The following CRPPA variants were observed in gnomAD, a reference collection of about 807,000 sequenced individuals.
CRPPA encodes CDP-L-ribitol pyrophosphorylase A, also known as D-ribitol-5-phosphate cytidylyltransferase.
In CRPPA, 43 loss-of-function variants were observed where a neutral mutation model predicts 52.0. The ratio of observed to expected loss-of-function variants is 0.83; its 90% CI spans 0.65 to 1.07. CRPPA has a LOEUF of 1.07. CRPPA is among the 50% of genes least tolerant of loss of function. The pLI is 0.00. For synonymous variants in CRPPA, 250 were observed against 203.5 expected, an observed-to-expected ratio of 1.23 and a Z score of -1.94; for missense variants, 629 against 551.7, an observed-to-expected ratio of 1.14 and a Z score of -1.40.
At position 16,216,086 on chromosome 7, in the gene CRPPA, G is replaced by T; in HGVS notation, c.1231C>A (p.Leu411Ile). Residue 411 changes from leucine (L) to isoleucine (I), a missense_variant, in exon 9 of 10, where the codon CTT (leucine) becomes ATT (isoleucine). Physicochemically the swap from Leu to Ile is conservative, Grantham distance 5. Transcript: ENST00000407010. ...VKERNILLYG[L>I]LISYPQDDQK... ...CCTACCTGTGGGTAAGATATGAGAAGCCCATATAACAAAATATTTCTTTCT... is the reference window on the plus strand; with the variant it reads ...CCTACCTGTGGGTAAGATATGAGAATCCCATATAACAAAATATTTCTTTCT... 2 of 1,594,712 alleles carry T rather than the reference G, an allele frequency of 1.3e-6. No individual in the cohort carries two copies. The highest frequency in any genetic ancestry group is 1.7e-6 in the Non-Finnish European group (2 of 1,169,462).
intron 1 of CRPPA, among the ~76,000 whole-genome samples, chr7:16,411,064 A>G (rs1202004254): frequency 1.3e-5 from 2 of 152,220 alleles, no homozygotes; most frequent in African/African-American, 4.8e-5. Flanking sequence ...CTTAGCACAT[A>G]CTCAACTTTC....
chr7:16,138,924 C>T (rs965222304), intron 9 of CRPPA, among the ~76,000 whole-genome samples: 11 of 152,102 alleles, frequency 7.2e-5, no homozygotes, highest in Admixed American at 1.3e-4. Context: ...GCCTTGGCCT[C>T]CTGAGTAGCT....
intron 9 of CRPPA, among the ~76,000 whole-genome samples, chr7:16,157,714 G>A (rs889359700): frequency 6.6e-6 from 1 of 152,094 alleles, no homozygotes; most frequent in Non-Finnish European, 1.5e-5. Context: ...CTACTGACTG[G>A]CCAGCATAGC....
At chr7:16,414,352 C>A (rs887242717) in intron 1 of CRPPA, among the ~76,000 whole-genome samples, 83 of 20,238 alleles carry the variant, frequency 4.1e-3, no homozygotes, top group Middle Eastern at 0.02. Flanking sequence ...CCTACCCCAA[C>A]ACACACACAC....
At chr7:16,379,801 GATGTATAAGA>G (rs1787024395) in intron 2 of CRPPA, among the ~76,000 whole-genome samples, 1 of 152,132 alleles carries the variant, frequency 6.6e-6, no homozygotes, top group Admixed American at 6.5e-5. Flanking sequence ...GTCTGTTATT[GATGTATAAGA>G]ATGCTTGTGA....
chr7:16,289,036 C>G (rs1481387497), intron 5 of CRPPA, among the ~76,000 whole-genome samples: 2 of 151,708 alleles, frequency 1.3e-5, no homozygotes, highest in Non-Finnish European at 2.9e-5. Flanking sequence ...ATAACTGATA[C>G]TACAGAAATA....
chr7:16,316,462 TA>T (rs965583765), intron 3 of CRPPA, among the ~76,000 whole-genome samples: 5 of 152,194 alleles, frequency 3.3e-5, no homozygotes, highest in African/African-American at 1.2e-4. Context: ...AAAACATGCT[TA>T]TGAGTTATGG....
At chr7:16,230,290 C>T (rs542290952) in intron 8 of CRPPA, among the ~76,000 whole-genome samples, 2 of 152,196 alleles carry the variant, frequency 1.3e-5, no homozygotes, top group South Asian at 2.1e-4. Context: ...GTACCATAAA[C>T]CCTATAACCT....
intron 9 of CRPPA, among the ~76,000 whole-genome samples, chr7:16,161,409 G>T (rs373029646): frequency 6.6e-6 from 1 of 152,114 alleles, no homozygotes; most frequent in East Asian, 1.9e-4. Flanking sequence ...GTTGAATTTT[G>T]TCGAAGGCCT....
chr7:16,286,074 TA>T (rs1784436176), intron 5 of CRPPA, among the ~76,000 whole-genome samples: 21 of 18,692 alleles, frequency 1.1e-3, no homozygotes, highest in East Asian at 2.1e-3. Context: ...TATATATATA[TA>T]TATATAATAT....
intron 5 of CRPPA, among the ~76,000 whole-genome samples, chr7:16,300,933 C>A (rs1289259988): frequency 6.6e-6 from 1 of 152,172 alleles, no homozygotes; most frequent in East Asian, 1.9e-4. Context: ...CATATGATAT[C>A]TACAATTACA....
intron 1 of CRPPA, among the ~76,000 whole-genome samples, chr7:16,414,254 A>C (rs1788136640): frequency 6.6e-6 from 1 of 152,004 alleles, no homozygotes; most frequent in Admixed American, 6.6e-5. Flanking sequence ...AAGTCTGAAT[A>C]AGCATGGCCG....
At chr7:16,349,554 G>T (rs1368278676) in intron 3 of CRPPA, among the ~76,000 whole-genome samples, 3 of 152,042 alleles carry the variant, frequency 2.0e-5, no homozygotes. Context: ...TGCAAAAACT[G>T]ATAATTTCAG....
At chr7:16,300,454 C>T (rs1310306855) in intron 5 of CRPPA, among the ~76,000 whole-genome samples, 2 of 152,178 alleles carry the variant, frequency 1.3e-5, no homozygotes, top group Non-Finnish European at 2.9e-5. Context: ...TGTAAAGCAT[C>T]ACATGTGTTT....
chr7:16,203,443 TCA>T (rs1781900897), intron 9 of CRPPA, among the ~76,000 whole-genome samples: 1 of 152,180 alleles, frequency 6.6e-6, no homozygotes, highest in African/African-American at 2.4e-5. Context: ...ACAGGCTTAA[TCA>T]GAGTTAGAAC....
intron 3 of CRPPA, among the ~76,000 whole-genome samples, chr7:16,364,899 T>C (rs545009753): frequency 6.6e-6 from 1 of 152,302 alleles, no homozygotes; most frequent in Admixed American, 6.5e-5. Context: ...CTAGATCAAT[T>C]TATAATATTA....
At position 16,301,929 on chromosome 7, in the gene CRPPA, G is replaced by T. The variant is rs565165058; in HGVS notation, c.790-463C>A. Among the ~76,000 whole-genome samples, 14 of 152,258 alleles carry T rather than the reference G, an allele frequency of 9.2e-5. No homozygotes were observed. In the East Asian group the frequency reaches 2.5e-3, roughly 27 times the overall value. ...CCTTCTGAATTACATATATCCGTAT[G>T]AACCTAGATAAGATTCACCTTGTAA... On this transcript the variant is annotated intron_variant, in intron 4 of 9. Transcript: ENST00000407010.
intron 6 of CRPPA, among the ~76,000 whole-genome samples, chr7:16,275,918 C>T (rs1051408633): frequency 7.3e-5 from 11 of 151,652 alleles, no homozygotes; most frequent in African/African-American, 2.7e-4. Flanking sequence ...GAAACCCATG[C>T]ACATCAGAAA....
At chr7:16,148,957 T>C (rs1783024968) in intron 9 of CRPPA, among the ~76,000 whole-genome samples, 1 of 152,178 alleles carries the variant, frequency 6.6e-6, no homozygotes, top group African/African-American at 2.4e-5. Flanking sequence ...ATTAACTAAA[T>C]ATGAAGAAAC....
Sources: allele counts gnomAD v4.1 joint callset (sites outside exome capture counted in the v4.1 genomes callset), GRCh38; gene constraint gnomAD v4.1.1; transcripts MANE v1.5; gene names NCBI Gene and HGNC (gene_info 2026-07-23, HGNC 2026-07-21).